PLOD1: variants seen among roughly 807,000 people sequenced by gnomAD.
PLOD1 encodes the protein lysine hydroxylase.
PLOD1 carries 70 observed loss-of-function variants against 94.7 expected under a neutral mutation model. The observed-to-expected ratio is 0.74, with a 90% CI of 0.61 to 0.90. PLOD1 has a LOEUF of 0.90. PLOD1 is among the 40% of genes least tolerant of loss of function. PLOD1 has a pLI of 0.00. For missense variants in PLOD1, 905 were observed against 972.7 expected (o/e 0.93, Z 0.93); for synonymous variants, 417 against 400.2 (o/e 1.04, Z -0.50).
chr1:11,939,244 T>A (rs906682390), intron 1 of PLOD1, among the ~76,000 whole-genome samples: 2 of 151,930 alleles, frequency 1.3e-5, no homozygotes, highest in African/African-American at 4.8e-5. Context: ...TGGGGAGACC[T>A]AAGTGGGCAG....
intron 14 of PLOD1, among the ~76,000 whole-genome samples, chr1:11,965,889 C>T (rs1645813702): frequency 6.6e-6 from 1 of 152,186 alleles, no homozygotes; most frequent in South Asian, 2.1e-4. Flanking sequence ...CCTTAGTTAT[C>T]TTAGCTCCAA....
Position 11,958,084 on chromosome 1 carries a change from G to C in PLOD1, c.843+141G>C, listed in dbSNP as rs549487813. The stretch of plus-strand genomic sequence containing the variant: ...ACCTCCCTGCCTGGGGTTCTATCCC[G>C]GTTGCCACCCAAGTGCCTCCTCCTG... On this transcript the variant is annotated intron_variant, in intron 8 of 18. Transcript: ENST00000196061. The surrounding 1 kb of genome is among the most constrained non-coding windows in gnomAD (Gnocchi z 4.3). 3.0e-6 allele frequency: 2 copies of C among 671,032 alleles called. No individual in the cohort carries two copies. The highest frequency in any genetic ancestry group is 3.5e-5 in the South Asian group (2 of 57,814). The allele number at this position is 671,032 out of a possible 1,614,324, so 41.6% of individuals were successfully genotyped here.
In PLOD1 at chr1:11,952,707, C is replaced by T. The variant is rs755186588; in HGVS notation, c.551C>T (p.Thr184Ile). 4 of 1,613,798 alleles carry T rather than the reference C, an allele frequency of 2.5e-6. No homozygotes were observed. The highest frequency in any genetic ancestry group is 1.1e-5 in the South Asian group (1 of 91,080). Residue 184 changes from threonine to isoleucine, a missense_variant, in exon 5 of 19, where the codon ACC becomes ATC. By Grantham distance (89) the Thr-to-Ile change is moderately conservative. Transcript: ENST00000196061. ...QDSDSDQLFY[T>I]KIFLDPEKRE... ...AGCGACAGCGATCAGCTGTTTTACA[C>T]CAAGATCTTCTTGGACCCGGAGAAG...
Position 11,950,527 on chromosome 1 carries a change from G to A in PLOD1, c.466+7G>A, listed in dbSNP as rs768495473. The stretch of plus-strand genomic sequence containing the variant: ...AGGTTCCTGGGCTCTGGAGGTGAGA[G>A]GCCTGGGTGCAGGGCGCTTGGCCCA... On this transcript the variant is annotated splice_region_variant and intron_variant, in intron 4 of 18. Transcript: ENST00000196061. 1.9e-6 allele frequency: 3 copies of A among 1,613,538 alleles called. No individual in the cohort carries two copies. The highest frequency in any genetic ancestry group is 2.5e-6 in the Non-Finnish European group (3 of 1,179,900).
At chr1:11,967,583 ATG>A (rs1272205754) in intron 16 of PLOD1, among the ~76,000 whole-genome samples, 1,533 of 105,070 alleles carry the variant, frequency 0.015, 120 homozygotes, top group African/African-American at 0.051. Context: ...TTTTCTTTTC[ATG>A]TGTGTGTGTG....
Position 11,960,786 on chromosome 1 carries a change from T to C in PLOD1, c.1097+19T>C, listed in dbSNP as rs1213904445. 6.2e-7 allele frequency: 1 copy of C among 1,611,930 alleles called. No homozygotes were observed. The highest frequency in any genetic ancestry group is 1.7e-5 in the Admixed American group (1 of 59,980). The stretch of plus-strand genomic sequence containing the variant: ...TGGGCGCGTGAGTTGTGGGCCACAG[T>C]ACTCTCCACTGACAGTGGGGGCAGG... On this transcript the variant is annotated intron_variant, in intron 10 of 18. Transcript: ENST00000196061.
At chr1:11,968,702 T>C (rs1191178749) in intron 16 of PLOD1, among the ~76,000 whole-genome samples, 1 of 151,488 alleles carries the variant, frequency 6.6e-6, no homozygotes, top group Non-Finnish European at 1.5e-5. Context: ...TTAGTAGAGA[T>C]GGGTTTCACC....
At position 11,960,630 on chromosome 1, in the gene PLOD1, C is replaced by T. The variant is rs142329815; in HGVS notation, c.976-16C>T. 1,794 of 1,595,316 alleles carry T rather than the reference C, an allele frequency of 1.1e-3. 14 individuals carry two copies. In the East Asian group the frequency reaches 0.017, roughly 15 times the overall value. On this transcript the variant is annotated splice_polypyrimidine_tract_variant and intron_variant, in intron 9 of 18. Coordinates refer to ENST00000196061, the MANE Select transcript of PLOD1 (RefSeq NM_000302.4). ...CCTCCTCACCCCCGCATCCCCTTCC[C>T]CATCCCCAACCCCAGGAGCAGCACC...
intron 1 of PLOD1, 63 bp from the exon 2 acceptor site, chr1:11,947,913 A>G (rs759377043): frequency 1.2e-5 from 12 of 1,042,788 alleles, no homozygotes; most frequent in Non-Finnish European, 1.7e-5. Context: ...GGGAACAAAG[A>G]CCTCCTCCCT....
chr1:11,942,419 G>A (rs1442594904), intron 1 of PLOD1, among the ~76,000 whole-genome samples: 1 of 152,178 alleles, frequency 6.6e-6, no homozygotes, highest in Non-Finnish European at 1.5e-5. Flanking sequence ...AGAAGGAGCA[G>A]GTTTGTACCA....
At chr1:11,959,622 T>C (rs986437212) in intron 9 of PLOD1, among the ~76,000 whole-genome samples, 21 of 149,398 alleles carry the variant, frequency 1.4e-4, no homozygotes, top group African/African-American at 5.2e-4. Flanking sequence ...TTTTGTATTT[T>C]TTTTTTTTTT....
At chr1:11,942,336 A>G (rs1419090116) in intron 1 of PLOD1, among the ~76,000 whole-genome samples, 1 of 152,150 alleles carries the variant, frequency 6.6e-6, no homozygotes, top group African/African-American at 2.4e-5. Context: ...TGTCTTGGTC[A>G]TGCCCAGTCC....
rs1469507644 is a variant in PLOD1 at position 11,950,463 on chromosome 1, A to G, written c.409A>G (p.Arg137Gly). Residue 137 changes from arginine to glycine, a missense_variant, in exon 4 of 19, where the codon AGG (arginine) becomes GGG (glycine). Physicochemically the swap from Arg to Gly is moderately radical, Grantham distance 125. Transcript: ENST00000196061. ...SAEELIYPDR[R>G]LETKYPVVSD... ...TGAGGAGCTCATCTACCCAGACCGCAGGCTGGAGACCAAGTATCCGGTGGT... is the reference window on the plus strand; with the variant it reads ...TGAGGAGCTCATCTACCCAGACCGCGGGCTGGAGACCAAGTATCCGGTGGT... The G allele has an allele frequency of 1.9e-6, 3 of 1,613,942 alleles. No homozygotes were observed. The African/African-American group carries it at 4.0e-5, about 22-fold the overall frequency.
rs1404482221 is a variant in PLOD1 at position 11,958,599 on chromosome 1, G to T, written c.927G>T (p.Leu309=). Residue 309 remains leucine (L), a synonymous_variant, in exon 9 of 19, where the codon CTG becomes CTT. Transcript: ENST00000196061. The surrounding 1 kb of genome is among the most constrained non-coding windows in gnomAD (Gnocchi z 4.3). ...TGTCCCTGTTCTTCCAGCGGCTCCT[G>T]CGGCTCCACTACCCCCAGAAACACA... The part of the protein sequence containing the change: ...PFVSLFFQRL[L]RLHYPQKHMR... The T allele has an allele frequency of 6.2e-7, 1 of 1,614,136 alleles. No homozygotes were observed. The highest frequency in any genetic ancestry group is 1.7e-5 in the Admixed American group (1 of 60,014).
chr1:11,944,227 T>C (rs1489120472), intron 1 of PLOD1, among the ~76,000 whole-genome samples: 2 of 150,902 alleles, frequency 1.3e-5, no homozygotes. Flanking sequence ...AGCGAGACTC[T>C]GTCTCAAAAA....
intron 15 of PLOD1, among the ~76,000 whole-genome samples, chr1:11,966,694 TCTCTC>T (rs1173010239): frequency 6.6e-6 from 1 of 152,022 alleles, no homozygotes; most frequent in African/African-American, 2.4e-5. Context: ...AGTGGCTGCT[TCTCTC>T]CACTCACTAA....
chr1:11,953,006 G>A (rs1372271918), intron 5 of PLOD1, among the ~76,000 whole-genome samples: 1 of 152,176 alleles, frequency 6.6e-6, no homozygotes, highest in East Asian at 1.9e-4. Context: ...GTCCTCAGAT[G>A]GTGGAAGGGG....
At chr1:11,959,559 C>T (rs1341903828) in intron 9 of PLOD1, among the ~76,000 whole-genome samples, 1 of 151,000 alleles carries the variant, frequency 6.6e-6, no homozygotes, top group Non-Finnish European at 1.5e-5. Context: ...TCTCCTGCCT[C>T]AGCCTCCCAA....
Position 11,959,560 on chromosome 1 carries a change from A to C in PLOD1, c.975+913A>C, listed in dbSNP as rs1645763519. On this transcript the variant is annotated intron_variant, in intron 9 of 18. Coordinates refer to ENST00000196061, the MANE Select transcript of PLOD1 (RefSeq NM_000302.4). ...TGGGTTCAAGCGATTCTCCTGCCTC[A>C]GCCTCCCAAGTAACTGAGACTACAG... is the stretch of plus-strand genomic sequence containing the variant. Among the ~76,000 whole-genome samples the C allele has an allele frequency of 2.0e-5, 3 of 149,348 alleles. No individual in the cohort carries two copies. In the South Asian group the frequency reaches 6.3e-4, roughly 31 times the overall value.
Sources: gnomAD v4.1 joint callset for allele counts (sites outside exome capture counted in the v4.1 genomes callset) on GRCh38, gnomAD v4.1.1 for gene constraint, Gnocchi (gnomAD v3.1) non-coding constraint, MANE v1.5 for transcripts, NCBI Gene and HGNC (gene_info 2026-07-23, HGNC 2026-07-21) for gene names.